The following SPEF2 variants were observed in gnomAD, a reference collection of about 807,000 sequenced individuals.
SPEF2 encodes sperm flagella and cilia-associated protein 2.
A neutral mutation model predicts 224.6 loss-of-function variants in SPEF2; 187 were observed. The observed-to-expected ratio is 0.83, with a 90% CI of 0.74 to 0.94. The LOEUF is 0.94. SPEF2 is among the 40% of genes least tolerant of loss of function. SPEF2 has a pLI of 0.00. For synonymous variants in SPEF2, 715 were observed against 707.3 expected (o/e 1.01, Z -0.17); for missense variants, 2,170 against 2,135.6 (o/e 1.02, Z -0.32).
rs1353575034 is a variant in SPEF2, at chr5:35,777,299, A to C, written c.4217+904A>C. On this transcript the variant is annotated intron_variant, in intron 29 of 36. Transcript: ENST00000356031. The stretch of plus-strand genomic sequence containing the variant: ...GTCTTCAGCCTAGTTGTTTAGAACT[A>C]TTGCTCCATAGTAAAACAAACAAAG... Among the ~76,000 whole-genome samples the C allele has an allele frequency of 2.0e-5, 3 of 152,174 alleles. No individual in the cohort carries two copies. In the East Asian group the frequency reaches 5.8e-4, roughly 29 times the overall value.
chr5:35,807,357 C>T, intron 36 of SPEF2, 104 bp downstream of exon 36: 1 of 1,458,898 alleles, frequency 6.9e-7, no homozygotes, highest in Non-Finnish European at 9.2e-7. Context: ...AAGCTGTACT[C>T]TGCCAGGCCA....
chr5:35,689,925 A>G (rs776741670), intron 10 of SPEF2, among the ~76,000 whole-genome samples: 2 of 152,158 alleles, frequency 1.3e-5, no homozygotes, highest in Non-Finnish European at 2.9e-5. Context: ...ATTATTAATA[A>G]GGATAGGTTT....
Position 35,618,033 on chromosome 5 carries a change from G to C in SPEF2, c.36G>C (p.Glu12Asp). 1.3e-6 allele frequency: 2 copies of C among 1,587,552 alleles called. No individual in the cohort carries two copies. Among genetic ancestry groups the C allele is most frequent in the Non-Finnish European group, 1.7e-6 (2 of 1,164,352 alleles). ...TCCTGTGCCAGTGGCTCAACAAGGA[G>C]TTGAAGGTGTCCCGGACCGTGAGTG... ...SEILCQWLNK[E>D]LKVSRTVSPK... The change falls in exon 1 of 37, where the codon GAG (glutamate) becomes GAC (aspartate). Residue 12 changes from glutamate to aspartate, a missense_variant. By Grantham distance (45) the Glu-to-Asp change is conservative (BLOSUM62 2). Coordinates refer to ENST00000356031, the MANE Select transcript of SPEF2 (RefSeq NM_024867.4).
chr5:35,667,190 GT>G lies in SPEF2; in HGVS notation c.1287del (p.Cys429TrpfsTer8). 3 of 1,610,580 alleles carry G rather than the reference GT, an allele frequency of 1.9e-6. No individual in the cohort carries two copies. The highest frequency in any genetic ancestry group is 2.5e-6 in the Non-Finnish European group (3 of 1,177,874). On this transcript the variant is annotated frameshift_variant, in exon 9 of 37. Transcript: ENST00000356031. LOFTEE classifies it high-confidence loss of function. Reference protein sequence around the residue: ...QARYEKHYSVCAEILDQIVDL... With the variant: ...QARYEKHYSVXAEILDQIVDL... ...CGTTATGAAAAGCATTATTCAGTATGTGCAGAAATTTTGGATCAAATAGTTG... is the reference window on the plus strand; with the variant it reads ...CGTTATGAAAAGCATTATTCAGTATGGCAGAAATTTTGGATCAAATAGTTG...
chr5:35,694,430 T>G lies in SPEF2; in HGVS notation c.1975+67T>G. The G allele has an allele frequency of 2.2e-6, 3 of 1,366,176 alleles. No individual in the cohort carries two copies. In the South Asian group the frequency reaches 3.8e-5, roughly 17 times the overall value. 84.6% of individuals were successfully genotyped at this position (1,366,176 alleles called of 1,614,324 possible). A position where few individuals can be genotyped will look rare whatever the true frequency, so the allele number is the denominator to read the frequency against. Reference sequence around the variant, plus strand: ...GAGAAACAATGAGAGCACATATATGTGAGCACAAACATGCTTTCAGGGAAA... The same window carrying G: ...GAGAAACAATGAGAGCACATATATGGGAGCACAAACATGCTTTCAGGGAAA... On this transcript the variant is annotated intron_variant, in intron 13 of 36. Coordinates refer to ENST00000356031, the MANE Select transcript of SPEF2 (RefSeq NM_024867.4).
In SPEF2 at chr5:35,641,424, T is replaced by C. The variant is rs1746606154; in HGVS notation, c.162-7T>C. 1 of 1,600,026 alleles carries C rather than the reference T, an allele frequency of 6.2e-7. No homozygotes were observed. Among genetic ancestry groups the C allele is most frequent in the African/African-American group, 1.3e-5 (1 of 74,100 alleles). ...TGTCTAATTATGTAAAATATTTTAC[T>C]GTCCAGGGTTTCAAGTGCCAAACTT... On this transcript the variant is annotated splice_region_variant and splice_polypyrimidine_tract_variant and intron_variant, in intron 2 of 36. Transcript: ENST00000356031.
In SPEF2 at chr5:35,701,433, T is replaced by G. The variant is rs114044669; in HGVS notation, c.2398+681T>G. Among the ~76,000 whole-genome samples the G allele has an allele frequency of 2.5e-3, 387 of 152,270 alleles. 4 individuals are homozygous for G. Among genetic ancestry groups the G allele is most frequent in the African/African-American group, 9.0e-3 (373 of 41,564 alleles). On this transcript the variant is annotated intron_variant, in intron 16 of 36. Coordinates refer to ENST00000356031, the MANE Select transcript of SPEF2 (RefSeq NM_024867.4). ...GTATTGTTATGGGTATTAAATGAGC[T>G]CAGAGCTACATGCTTAGGACAGAAT...
chr5:35,642,395 T>C (rs1746729546), intron 3 of SPEF2, among the ~76,000 whole-genome samples: 1 of 152,150 alleles, frequency 6.6e-6, no homozygotes, highest in South Asian at 2.1e-4. Flanking sequence ...TGCAGCCCAG[T>C]ACACACGGGT....
intron 24 of SPEF2, among the ~76,000 whole-genome samples, chr5:35,754,587 A>T (rs1237331258): frequency 6.6e-6 from 1 of 152,216 alleles, no homozygotes; most frequent in Non-Finnish European, 1.5e-5. Context: ...TTATATTACA[A>T]AGAGATGGTT....
chr5:35,791,579 C>G (rs1755963102), intron 30 of SPEF2: 1 of 152,074 alleles, frequency 6.6e-6, no homozygotes, highest in African/African-American at 2.4e-5. Flanking sequence ...CTAGAAGGTA[C>G]CTCTTTGTGT....
At chr5:35,763,416 A>G in intron 25 of SPEF2, 106 bp from the exon 26 acceptor site, 1 of 1,040,036 alleles carries the variant, frequency 9.6e-7, no homozygotes, top group Non-Finnish European at 1.3e-6. Flanking sequence ...AACTTTGAAA[A>G]TTGAGATTAA....
intron 21 of SPEF2, among the ~76,000 whole-genome samples, chr5:35,732,537 G>A (rs987941897): frequency 6.6e-6 from 1 of 152,114 alleles, no homozygotes; most frequent in African/African-American, 2.4e-5. Flanking sequence ...AACCCTTAAG[G>A]TACGGTTAGA....
intron 10 of SPEF2, among the ~76,000 whole-genome samples, chr5:35,675,413 A>G (rs773542395): frequency 5.9e-5 from 9 of 152,000 alleles, no homozygotes; most frequent in Non-Finnish European, 1.0e-4. Context: ...TCATACGTGC[A>G]ATTTCTTTTC....
chr5:35,702,719 C>T (rs1738899088), intron 16 of SPEF2, among the ~76,000 whole-genome samples: 1 of 152,192 alleles, frequency 6.6e-6, no homozygotes, highest in African/African-American at 2.4e-5. Flanking sequence ...CCTGGAGTCA[C>T]ATTGCCTGGA....
At chr5:35,669,427 CAAGTT>C (rs1214355365) in intron 9 of SPEF2, among the ~76,000 whole-genome samples, 1 of 152,072 alleles carries the variant, frequency 6.6e-6, no homozygotes, top group Non-Finnish European at 1.5e-5. Flanking sequence ...CTGGAACCAA[CAAGTT>C]AAGTTGAGTC....
chr5:35,748,716 G>T (rs2149712601), intron 23 of SPEF2, among the ~76,000 whole-genome samples: 1 of 152,194 alleles, frequency 6.6e-6, no homozygotes, highest in Non-Finnish European at 1.5e-5. Context: ...AGGACCAGGT[G>T]GATTCACAGT....
chr5:35,631,427 C>A (rs534063050), intron 2 of SPEF2, among the ~76,000 whole-genome samples: 3 of 152,250 alleles, frequency 2.0e-5, no homozygotes, highest in African/African-American at 7.2e-5. Context: ...CCACTTCATA[C>A]CCACTAGGAT....
At chr5:35,792,308 C>T in intron 30 of SPEF2, 32 bp from the exon 31 acceptor site, 1 of 1,558,774 alleles carries the variant, frequency 6.4e-7, no homozygotes, top group Non-Finnish European at 8.7e-7. Context: ...TCACCTAAAC[C>T]AAGTGACAAA....
chr5:35,709,274 G>A (rs1256691739), intron 19 of SPEF2, 153 bp downstream of exon 19: 29 of 1,453,930 alleles, frequency 2.0e-5, no homozygotes, highest in East Asian at 5.1e-5. Flanking sequence ...AAAAGCCCTC[G>A]GAGTAGCTAA....
Sources: gnomAD v4.1 joint callset for allele counts (sites outside exome capture counted in the v4.1 genomes callset) on GRCh38, gnomAD v4.1.1 for gene constraint, MANE v1.5 for transcripts, NCBI Gene and HGNC (gene_info 2026-07-23, HGNC 2026-07-21) for gene names.